Variants in PCDHGB7 observed in about 807,000 individuals in gnomAD.
The protein encoded by PCDHGB7 is protocadherin gamma-B7.
Under a neutral mutation model 61.4 loss-of-function variants are expected in PCDHGB7, and 37 were observed. That is an observed-to-expected ratio of 0.60 (90% CI 0.46 to 0.79). PCDHGB7 has a LOEUF of 0.79. Among genes scored for constraint, PCDHGB7 ranks in the 30% least tolerant of loss-of-function variants. The pLI is 0.00. For missense variants in PCDHGB7, 1,166 were observed against 1,202.5 expected (o/e 0.97, Z 0.45); for synonymous variants, 464 against 503.5 (o/e 0.92, Z 1.05).
At position 141,480,524 on chromosome 5, in the gene PCDHGB7, AAAG is replaced by A. The variant is rs1342230573; in HGVS notation, c.2416-14282_2416-14280del. Among the ~76,000 whole-genome samples, 4 of 127,792 alleles carry A rather than the reference AAAG, an allele frequency of 3.1e-5. No homozygotes were observed. The East Asian group carries it at 7.7e-4, about 25-fold the overall frequency. 83.8% of individuals were successfully genotyped at this position (127,792 alleles called of 152,430 possible). On this transcript the variant is annotated intron_variant, in intron 1 of 3. Transcript: ENST00000398594. Reference sequence around the variant, plus strand: ...ACATATGAGAACAACCAAAAATGACAAAGTAGAAGCACATATGAAAAGGCTAAG... The same window carrying A: ...ACATATGAGAACAACCAAAAATGACATAGAAGCACATATGAAAAGGCTAAG...
chr5:141,423,877 C>G, intron 1 of PCDHGB7: 1 of 1,283,890 alleles, frequency 7.8e-7, no homozygotes, highest in South Asian at 3.4e-5. Flanking sequence ...ATTTTTCAAT[C>G]TTGGCATATT....
At chr5:141,445,313 T>C (rs1186654847) in intron 1 of PCDHGB7, among the ~76,000 whole-genome samples, 8 of 152,328 alleles carry the variant, frequency 5.3e-5, no homozygotes, top group Non-Finnish European at 4.4e-5. Flanking sequence ...GTTTGTAGGT[T>C]GAGAGAACCC....
Position 141,489,276 on chromosome 5 carries a change from A to G in PCDHGB7, c.2416-5531A>G. 6.4e-7 allele frequency: 1 copy of G among 1,556,122 alleles called. No homozygotes were observed. Among genetic ancestry groups the G allele is most frequent in the Non-Finnish European group, 8.7e-7 (1 of 1,151,562 alleles). On this transcript the variant is annotated intron_variant, in intron 1 of 3. Coordinates refer to ENST00000398594, the MANE Select transcript of PCDHGB7 (RefSeq NM_018927.4). The surrounding 1 kb of genome is among the most constrained non-coding windows in gnomAD (Gnocchi z 4.5). ...AGACACTCCCACAGCTCGCTGGGAA[A>G]TGGCAAGTGCTGTGCATGTTGTCCT...
chr5:141,422,088 CA>C (rs1235447839), intron 1 of PCDHGB7: 2 of 1,611,912 alleles, frequency 1.2e-6, no homozygotes, highest in Non-Finnish European at 1.7e-6. Flanking sequence ...ACATGGAAAG[CA>C]AGGCTTCTGA....
chr5:141,476,029 A>G lies in PCDHGB7; in HGVS notation c.2416-18778A>G, dbSNP rs975943706. The G allele has an allele frequency of 2.3e-5, 34 of 1,455,312 alleles. No homozygotes were observed. The highest frequency in any genetic ancestry group is 1.1e-4 in the African/African-American group (8 of 70,728). 90.1% of individuals were successfully genotyped at this position (1,455,312 alleles called of 1,614,324 possible). A position where few individuals can be genotyped will look rare whatever the true frequency, so the allele number is the denominator to read the frequency against. On this transcript the variant is annotated intron_variant, in intron 1 of 3. Transcript: ENST00000398594. The surrounding 1 kb of genome is among the most constrained non-coding windows in gnomAD (Gnocchi z 7.6). The stretch of plus-strand genomic sequence containing the variant: ...GAAAGCCATGTCGGACTCGGCGCCC[A>G]GCGCCCAAGCGCTAACCCGCTGAAA...
At chr5:141,494,524 C>T (rs2099754936) in intron 1 of PCDHGB7, among the ~76,000 whole-genome samples, 1 of 152,156 alleles carries the variant, frequency 6.6e-6, no homozygotes, top group African/African-American at 2.4e-5. Flanking sequence ...GGAGTTCTGA[C>T]TCTGGGGGCA....
chr5:141,446,920 C>T (rs2098520337), intron 1 of PCDHGB7, among the ~76,000 whole-genome samples: 1 of 152,108 alleles, frequency 6.6e-6, no homozygotes, highest in African/African-American at 2.4e-5. Flanking sequence ...TATTTATCTT[C>T]CTGATCTCTT....
At chr5:141,473,974 C>A (rs958240236) in intron 1 of PCDHGB7, among the ~76,000 whole-genome samples, 1 of 152,054 alleles carries the variant, frequency 6.6e-6, no homozygotes, top group Non-Finnish European at 1.5e-5. Flanking sequence ...AAGTCTGAGG[C>A]GGGAGGATCC....
Position 141,485,365 on chromosome 5 carries a change from G to A in PCDHGB7, c.2416-9442G>A. 1 of 1,614,120 alleles carries A rather than the reference G, an allele frequency of 6.2e-7. No homozygotes were observed. Among genetic ancestry groups the A allele is most frequent in the Admixed American group, 1.7e-5 (1 of 60,018 alleles). ...CGGACAGTCTGTCAGCTCGCAGGCT[G>A]CAGGTCGCTGGAGAGGTGAACCAAA... On this transcript the variant is annotated intron_variant, in intron 1 of 3. Transcript: ENST00000398594. The surrounding 1 kb of genome is among the most constrained non-coding windows in gnomAD (Gnocchi z 5.7).
At chr5:141,503,554 G>A (rs1395044357) in intron 2 of PCDHGB7, among the ~76,000 whole-genome samples, 11 of 149,146 alleles carry the variant, frequency 7.4e-5, no homozygotes, top group East Asian at 3.9e-4. Flanking sequence ...AGCCGAGATC[G>A]CGCCACTGTA....
intron 1 of PCDHGB7, among the ~76,000 whole-genome samples, chr5:141,479,789 T>C (rs888217885): frequency 3.3e-5 from 5 of 152,196 alleles, no homozygotes; most frequent in Non-Finnish European, 2.9e-5. Flanking sequence ...AAAGCATTCA[T>C]TAATTCAGGG....
chr5:141,435,260 T>C (rs1591368331), intron 1 of PCDHGB7, among the ~76,000 whole-genome samples: 1 of 152,236 alleles, frequency 6.6e-6, no homozygotes, highest in African/African-American at 2.4e-5. Context: ...TAGGGATATG[T>C]CCATTTATAC....
intron 1 of PCDHGB7, among the ~76,000 whole-genome samples, chr5:141,464,193 A>C (rs991769179): frequency 1.3e-5 from 2 of 149,674 alleles, no homozygotes; most frequent in Non-Finnish European, 3.0e-5. Flanking sequence ...TGATTTCAGG[A>C]GGCGGAGATT....
intron 1 of PCDHGB7, among the ~76,000 whole-genome samples, chr5:141,454,658 G>A (rs961640658): frequency 7.2e-5 from 11 of 151,812 alleles, no homozygotes; most frequent in Admixed American, 6.6e-5. Context: ...TGCCCACCTC[G>A]GCCTCCCAAA....
chr5:141,506,277 T>C (rs905595521), intron 3 of PCDHGB7, among the ~76,000 whole-genome samples: 1 of 152,050 alleles, frequency 6.6e-6, no homozygotes. Flanking sequence ...AGTGAAACCC[T>C]GTCTCTACTA....
intron 1 of PCDHGB7, among the ~76,000 whole-genome samples, chr5:141,481,836 G>A (rs1435746995): frequency 2.7e-5 from 4 of 150,638 alleles, no homozygotes; most frequent in Non-Finnish European, 5.9e-5. Context: ...CAGGAGAATC[G>A]CTTGATGGTG....
rs758172004 is a variant in PCDHGB7, at chr5:141,477,909, C to T, written c.2416-16898C>T. On this transcript the variant is annotated intron_variant, in intron 1 of 3. Transcript: ENST00000398594. This position sits in a 1 kb window ranked among gnomAD's most constrained non-coding sequence, Gnocchi z 4.9. ...GTGTCACGGGTGGTAGGCTGGGACGCGGATGCAGGGCACAATGCCTGGCTC... is the reference window on the plus strand; with the variant it reads ...GTGTCACGGGTGGTAGGCTGGGACGTGGATGCAGGGCACAATGCCTGGCTC... 2 of 1,614,166 alleles carry T rather than the reference C, an allele frequency of 1.2e-6. No individual in the cohort carries two copies. Among genetic ancestry groups the T allele is most frequent in the Admixed American group, 1.7e-5 (1 of 60,016 alleles).
intron 1 of PCDHGB7, among the ~76,000 whole-genome samples, chr5:141,466,994 T>C (rs944607423): frequency 6.6e-6 from 1 of 152,176 alleles, no homozygotes; most frequent in African/African-American, 2.4e-5. Flanking sequence ...CTTTTGGCAT[T>C]TTTTTGCAAT....
intron 1 of PCDHGB7, chr5:141,423,967 A>T (rs760284844): frequency 5.2e-6 from 6 of 1,153,616 alleles, no homozygotes; most frequent in Non-Finnish European, 6.5e-6. Context: ...TTTTTCTATT[A>T]TCAGTGTATG....
Sources: gnomAD v4.1 joint callset for allele counts (sites outside exome capture counted in the v4.1 genomes callset) on GRCh38, gnomAD v4.1.1 for gene constraint, Gnocchi (gnomAD v3.1) non-coding constraint, MANE v1.5 for transcripts, NCBI Gene and HGNC (gene_info 2026-07-23, HGNC 2026-07-21) for gene names.